ZNF610: variants seen among roughly 807,000 people sequenced by gnomAD.
ZNF610 encodes the protein zink finger protein.
A neutral mutation model predicts 14.1 loss-of-function variants in ZNF610; 14 were observed. The observed-to-expected ratio is 0.99, with a 90% CI of 0.65 to 1.55. The LOEUF (loss-of-function observed/expected upper bound fraction) is 1.55, where lower values mean the gene tolerates loss of function less well. Ranked by LOEUF, ZNF610 falls within the 40% of genes most tolerant of loss-of-function variation. ZNF610 has a pLI of 0.00. For synonymous variants in ZNF610, 185 were observed against 187.6 expected (o/e 0.99, Z 0.11); for missense variants, 530 against 558.0 (o/e 0.95, Z 0.51).
chr19:52,345,715 T>G (rs745759136), intron 1 of ZNF610, among the ~76,000 whole-genome samples: 3 of 152,014 alleles, frequency 2.0e-5, no homozygotes, highest in Non-Finnish European at 4.4e-5. Flanking sequence ...TATTTTTATT[T>G]TTTTTTGGAG....
rs1409867886 is a variant in ZNF610 at position 52,355,731 on chromosome 19, C to T, written c.319+1352C>T. ...GGTTGATTACTTTGCTCGGGTGGCT[C>T]ACAGAACTCAGTGAGACACTTCATT... On this transcript the variant is annotated intron_variant, in intron 5 of 5. Coordinates refer to ENST00000403906, the MANE Select transcript of ZNF610 (RefSeq NM_001161425.2). Among the ~76,000 whole-genome samples, 3 of 152,218 alleles carry T rather than the reference C, an allele frequency of 2.0e-5. No individual in the cohort carries two copies. The East Asian group carries it at 5.8e-4, about 29-fold the overall frequency.
intron 1 of ZNF610, chr19:52,344,230 C>T (rs1600230801): frequency 1.3e-5 from 2 of 152,512 alleles, no homozygotes; most frequent in African/African-American, 4.8e-5. Context: ...GTTCCTCTGC[C>T]TGGAACTCTC....
chr19:52,348,227 C>T (rs1985058925), intron 2 of ZNF610: 1 of 152,156 alleles, frequency 6.6e-6, no homozygotes, highest in Non-Finnish European at 1.5e-5. Flanking sequence ...CTAAGCAGTG[C>T]ATGACTGTAT....
chr19:52,335,687 G>A (rs1476714039), upstream of ZNF610, among the ~76,000 whole-genome samples: 1 of 152,140 alleles, frequency 6.6e-6, no homozygotes, highest in Non-Finnish European at 1.5e-5. Flanking sequence ...GGAGATCAGA[G>A]ATGATGATGG....
At chr19:52,349,318 C>G (rs1985130541) in intron 3 of ZNF610, 83 bp downstream of exon 3, 2 of 1,446,792 alleles carry the variant, frequency 1.4e-6, no homozygotes, top group South Asian at 1.2e-5. Context: ...TTTGCTCACA[C>G]TCACCCATGC....
chr19:52,331,652 C>T (rs1289370472), upstream of ZNF610, among the ~76,000 whole-genome samples: 1 of 152,162 alleles, frequency 6.6e-6, no homozygotes, highest in Non-Finnish European at 1.5e-5. Flanking sequence ...CACCGGGCTC[C>T]TTGAAGTTAT....
chr19:52,362,993 G>A (rs1000931457), intron 5 of ZNF610, among the ~76,000 whole-genome samples: 2 of 151,778 alleles, frequency 1.3e-5, no homozygotes, highest in South Asian at 2.1e-4. Flanking sequence ...TTATTTTTTA[G>A]TTTTAAGGAG....
intron 1 of ZNF610, chr19:52,346,982 C>A (rs1486343195): frequency 6.6e-6 from 1 of 152,268 alleles, no homozygotes; most frequent in South Asian, 2.1e-4. Flanking sequence ...CCTGCCGCGG[C>A]CTCCCAAAGT....
chr19:52,366,524 C>G lies in ZNF610; in HGVS notation c.1146C>G (p.His382Gln). 6.2e-7 allele frequency: 1 copy of G among 1,613,988 alleles called. No homozygotes were observed. Among genetic ancestry groups the G allele is most frequent in the Middle Eastern group, 1.7e-4 (1 of 6,060 alleles). ...YKCNECGRAF[H>Q]KRPGLMAHLL... ...GTAACGAATGTGGAAGAGCATTTCA[C>G]AAGCGTCCGGGCCTTATGGCCCATC... Residue 382 changes from histidine (H) to glutamine (Q), a missense_variant, in exon 6 of 6, where the codon CAC becomes CAG. Transcript: ENST00000403906.
intron 1 of ZNF610, among the ~76,000 whole-genome samples, chr19:52,341,205 C>G (rs2122178745): frequency 6.6e-6 from 1 of 152,252 alleles, no homozygotes; most frequent in South Asian, 2.1e-4. Context: ...CAATTCTTGC[C>G]CCTAGTTCTT....
At chr19:52,363,127 C>CTTT (rs1280670705) in intron 5 of ZNF610, among the ~76,000 whole-genome samples, 1 of 141,820 alleles carries the variant, frequency 7.1e-6, no homozygotes. Context: ...GTTCTATCCC[C>CTTT]TTTTTTTTTT....
chr19:52,330,616 T>C, the ZNF610 span, among the ~76,000 whole-genome samples: 204 of 152,294 alleles, frequency 1.3e-3, 1 homozygote, highest in African/African-American at 4.7e-3. Context: ...TAGAAGAGGC[T>C]TTTTTATTTC....
At chr19:52,356,389 T>A (rs1322184908) in intron 5 of ZNF610, among the ~76,000 whole-genome samples, 1 of 152,210 alleles carries the variant, frequency 6.6e-6, no homozygotes, top group African/African-American at 2.4e-5. Flanking sequence ...CATCATTTGT[T>A]CAAACCACTG....
intron 3 of ZNF610, among the ~76,000 whole-genome samples, chr19:52,352,961 G>A (rs1246628930): frequency 6.6e-6 from 1 of 151,652 alleles, no homozygotes; most frequent in Non-Finnish European, 1.5e-5. Flanking sequence ...TTTTTGAGAC[G>A]GAGTCTTGCT....
At chr19:52,358,520 A>C (rs1225260674) in intron 5 of ZNF610, among the ~76,000 whole-genome samples, 1 of 152,074 alleles carries the variant, frequency 6.6e-6, no homozygotes, top group East Asian at 1.9e-4. Context: ...TGGTTTTCTG[A>C]TTTGTAGGAG....
At chr19:52,342,068 C>T (rs989300046) in intron 1 of ZNF610, among the ~76,000 whole-genome samples, 9 of 152,162 alleles carry the variant, frequency 5.9e-5, no homozygotes, top group African/African-American at 1.7e-4. Context: ...CTCAGCCACC[C>T]GAGTAGCCAG....
intron 4 of ZNF610, 31 bp from the exon 5 acceptor site, chr19:52,354,220 G>T (rs913701868): frequency 1.9e-6 from 3 of 1,611,900 alleles, no homozygotes; most frequent in Admixed American, 1.7e-5. Context: ...AAATGCCCCA[G>T]CACATCTTGT....
chr19:52,339,604 A>G (rs976723696), intron 1 of ZNF610, among the ~76,000 whole-genome samples: 1 of 148,140 alleles, frequency 6.8e-6, no homozygotes, highest in South Asian at 2.1e-4. Context: ...GGTTGGGGCT[A>G]GGGTTACAGA....
Position 52,349,199 on chromosome 19 carries a change from G to A in ZNF610, c.27G>A (p.Lys9=). Reference sequence around the variant, plus strand: ...TGCTATGTGATGAAGAAGCCCAGAAGAGGAAAGCAAAGGAGTCAGGGATGG... The same window carrying A: ...TGCTATGTGATGAAGAAGCCCAGAAAAGGAAAGCAAAGGAGTCAGGGATGG... MLCDEEAQ[K]RKAKESGMAL... is the part of the protein sequence containing the mutation. Residue 9 remains lysine (K), a synonymous_variant, in exon 3 of 6, where the codon AAG becomes AAA. Coordinates refer to ENST00000403906, the MANE Select transcript of ZNF610 (RefSeq NM_001161425.2). The A allele has an allele frequency of 6.2e-7, 1 of 1,613,598 alleles. No individual in the cohort carries two copies. Among genetic ancestry groups the A allele is most frequent in the Non-Finnish European group, 8.5e-7 (1 of 1,179,970 alleles).
Sources: allele counts gnomAD v4.1 joint callset (sites outside exome capture counted in the v4.1 genomes callset), GRCh38; gene constraint gnomAD v4.1.1; transcripts MANE v1.5; gene names NCBI Gene and HGNC (gene_info 2026-07-23, HGNC 2026-07-21).